The following EXT1 variants were observed in gnomAD, a reference collection of about 807,000 sequenced individuals.
EXT1 encodes exostosin-1.
EXT1 carries 20 observed loss-of-function variants against 82.5 expected under a neutral mutation model. The ratio of observed to expected loss-of-function variants is 0.24; its 90% CI spans 0.17 to 0.35. The LOEUF is 0.35. Ranked by LOEUF, EXT1 falls within the 10% of genes least tolerant of loss-of-function variation. EXT1 has a pLI of 1.00. For missense variants in EXT1, 757 were observed against 936.5 expected (o/e 0.81, Z 2.50); for synonymous variants, 348 against 350.8 (o/e 0.99, Z 0.09).
chr8:118,083,755 C>G (rs749237017), intron 1 of EXT1, among the ~76,000 whole-genome samples: 31 of 152,088 alleles, frequency 2.0e-4, no homozygotes, highest in Non-Finnish European at 3.2e-4. Context: ...AGGCGGGGCG[C>G]AGTAGCTCAT....
intron 1 of EXT1, among the ~76,000 whole-genome samples, chr8:118,054,810 C>T (rs992004392): frequency 1.1e-4 from 17 of 152,172 alleles, no homozygotes; most frequent in African/African-American, 3.4e-4. Flanking sequence ...TCAATAAATA[C>T]CTGTTGACTG....
At chr8:117,827,115 C>T (rs974078259) in intron 4 of EXT1, among the ~76,000 whole-genome samples, 8 of 152,080 alleles carry the variant, frequency 5.3e-5, no homozygotes, top group African/African-American at 1.7e-4. Context: ...AAGAGAGTCA[C>T]GCCCAGACAG....
chr8:118,087,685 A>C (rs1213789345), intron 1 of EXT1, among the ~76,000 whole-genome samples: 1 of 152,182 alleles, frequency 6.6e-6, no homozygotes, highest in Non-Finnish European at 1.5e-5. Context: ...AACAGAAAAA[A>C]AATTTTTTAA....
intron 1 of EXT1, among the ~76,000 whole-genome samples, chr8:117,853,968 G>A (rs372846575): frequency 3.3e-5 from 5 of 152,254 alleles, no homozygotes; most frequent in African/African-American, 1.2e-4. Flanking sequence ...CTTCTGCTGG[G>A]ATGGTACACT....
At chr8:117,864,950 GTTTT>G (rs879886077) in intron 1 of EXT1, among the ~76,000 whole-genome samples, 3 of 151,246 alleles carry the variant, frequency 2.0e-5, no homozygotes, top group African/African-American at 7.3e-5. Flanking sequence ...AGTAGAAGCT[GTTTT>G]TTTTTAAAAA....
chr8:118,091,240 T>C (rs1817518773), intron 1 of EXT1, among the ~76,000 whole-genome samples: 1 of 152,158 alleles, frequency 6.6e-6, no homozygotes, highest in Non-Finnish European at 1.5e-5. Flanking sequence ...GATATTACAG[T>C]TATGACCAGG....
intron 1 of EXT1, among the ~76,000 whole-genome samples, chr8:118,067,695 CAAGGAT>C (rs1197197502): frequency 6.6e-6 from 1 of 152,232 alleles, no homozygotes; most frequent in Non-Finnish European, 1.5e-5. Flanking sequence ...CTTAACTCAG[CAAGGAT>C]AAGACCAGTT....
At chr8:118,048,606 T>C (rs1171389060) in intron 1 of EXT1, among the ~76,000 whole-genome samples, 1 of 152,212 alleles carries the variant, frequency 6.6e-6, no homozygotes, top group Non-Finnish European at 1.5e-5. Context: ...TAGAGGGTAT[T>C]TACTTTGCAT....
intron 1 of EXT1, among the ~76,000 whole-genome samples, chr8:117,992,438 T>TAA (rs142840509): frequency 0.03 from 1,594 of 53,066 alleles, 66 homozygotes; most frequent in African/African-American, 0.088. Context: ...TTCAACTAGC[T>TAA]AAAAAAAAAA....
At chr8:118,092,013 C>T (rs764076871) in intron 1 of EXT1, among the ~76,000 whole-genome samples, 2 of 152,194 alleles carry the variant, frequency 1.3e-5, no homozygotes, top group Admixed American at 6.5e-5. Flanking sequence ...TATACACCAT[C>T]CCTGTTCTCA....
At chr8:117,833,326 T>C (rs111442883) in intron 3 of EXT1, among the ~76,000 whole-genome samples, 33 of 152,168 alleles carry the variant, frequency 2.2e-4, no homozygotes, top group South Asian at 2.1e-3. Context: ...TGGTAGAAAC[T>C]GGACAAGTGG....
intron 1 of EXT1, among the ~76,000 whole-genome samples, chr8:117,979,509 C>G (rs1331357357): frequency 1.3e-5 from 2 of 151,210 alleles, no homozygotes; most frequent in Admixed American, 1.3e-4. Context: ...ACTCAGATAC[C>G]TAACTCAAAA....
chr8:117,836,407 C>T (rs1196585317), intron 2 of EXT1, among the ~76,000 whole-genome samples: 1 of 152,100 alleles, frequency 6.6e-6, no homozygotes, highest in East Asian at 1.9e-4. Context: ...GGCACTGCAG[C>T]AAAAGCACAG....
intron 1 of EXT1, among the ~76,000 whole-genome samples, chr8:117,987,700 A>G (rs1157801716): frequency 1.3e-5 from 2 of 152,238 alleles, no homozygotes; most frequent in Non-Finnish European, 2.9e-5. Context: ...TCCAGTAGTC[A>G]GTTTAAATTA....
rs148448860 is a variant in EXT1, at chr8:117,804,606, T to C, written c.2055+116A>G. 5.7e-5 allele frequency: 65 copies of C among 1,134,484 alleles called. No individual in the cohort carries two copies. In the African/African-American group the frequency reaches 7.3e-4, roughly 13 times the overall value. The allele number at this position is 1,134,484 out of a possible 1,614,324, so 70.3% of individuals were successfully genotyped here. Reference sequence around the variant, plus strand: ...CTAGCTTTCAGATGTAGTTCATTCCTGGTTTCTCCTCATTATATGCTCCTG... The same window carrying C: ...CTAGCTTTCAGATGTAGTTCATTCCCGGTTTCTCCTCATTATATGCTCCTG... On this transcript the variant is annotated intron_variant, in intron 10 of 10. Coordinates refer to ENST00000378204, the MANE Select transcript of EXT1 (RefSeq NM_000127.3).
At chr8:117,879,252 TA>T (rs778656006) in intron 1 of EXT1, among the ~76,000 whole-genome samples, 6 of 152,244 alleles carry the variant, frequency 3.9e-5, no homozygotes, top group Non-Finnish European at 8.8e-5. Context: ...TGATTACTAT[TA>T]AATTGTGAGT....
intron 1 of EXT1, among the ~76,000 whole-genome samples, chr8:117,952,287 T>C (rs1814504693): frequency 1.3e-5 from 2 of 152,362 alleles, no homozygotes; most frequent in South Asian, 4.1e-4. Flanking sequence ...GTTATCTGAA[T>C]ACAAAGTTAG....
At chr8:117,896,409 A>G (rs183260521) in intron 1 of EXT1, among the ~76,000 whole-genome samples, 11 of 152,350 alleles carry the variant, frequency 7.2e-5, no homozygotes, top group African/African-American at 2.6e-4. Flanking sequence ...TCAGCCAAAA[A>G]AGAAAGCAAA....
At chr8:118,008,905 T>C (rs758598395) in intron 1 of EXT1, among the ~76,000 whole-genome samples, 1 of 152,154 alleles carries the variant, frequency 6.6e-6, no homozygotes, top group Non-Finnish European at 1.5e-5. Flanking sequence ...AGAAACCAGG[T>C]AAATCCTCAG....
Sources: gnomAD v4.1 joint callset for allele counts (sites outside exome capture counted in the v4.1 genomes callset) on GRCh38, gnomAD v4.1.1 for gene constraint, MANE v1.5 for transcripts, NCBI Gene and HGNC (gene_info 2026-07-23, HGNC 2026-07-21) for gene names.